Variants in TASP1 observed in about 807,000 individuals in gnomAD.
The protein encoded by TASP1 is threonine aspartase 1.
A neutral mutation model predicts 56.6 loss-of-function variants in TASP1; 16 were observed. The ratio of observed to expected loss-of-function variants is 0.28; its 90% CI spans 0.19 to 0.43. The LOEUF is 0.43. Among genes scored for constraint, TASP1 ranks in the 20% least tolerant of loss-of-function variants. The probability of loss-of-function intolerance (pLI) is 1.00; values close to 1 mark genes in which losing one functional copy is unlikely to be tolerated. For missense variants in TASP1, 393 were observed against 511.6 expected, an observed-to-expected ratio of 0.77 and a Z score of 2.24; for synonymous variants, 179 against 184.2, an observed-to-expected ratio of 0.97 and a Z score of 0.23.
At chr20:13,399,418 A>T (rs116338040) in intron 13 of TASP1, among the ~76,000 whole-genome samples, 3 of 152,336 alleles carry the variant, frequency 2.0e-5, no homozygotes, top group African/African-American at 7.2e-5. Context: ...TAACATGTCC[A>T]GAACTGAGTT....
chr20:13,555,699 T>C (rs761748322), intron 8 of TASP1, among the ~76,000 whole-genome samples: 6 of 152,190 alleles, frequency 3.9e-5, no homozygotes, highest in Non-Finnish European at 7.3e-5. Flanking sequence ...TGTTGATATT[T>C]TGACTTTCTC....
chr20:13,522,829 G>A (rs191409439), intron 10 of TASP1, among the ~76,000 whole-genome samples: 11 of 152,148 alleles, frequency 7.2e-5, no homozygotes, highest in African/African-American at 2.2e-4. Context: ...ACACTGAGAC[G>A]TCAAAGAGAT....
At chr20:13,299,251 G>A in the TASP1 span, 5 of 1,605,180 alleles carry the variant, frequency 3.1e-6, no homozygotes, top group South Asian at 1.1e-5. The surrounding 1 kb of genome is among the most constrained non-coding windows in gnomAD (Gnocchi z 5.8). Flanking sequence ...CTCATCACCA[G>A]GGGCAAGGGG....
At chr20:13,414,154 CA>C (rs1280279691) in intron 13 of TASP1, among the ~76,000 whole-genome samples, 3 of 152,210 alleles carry the variant, frequency 2.0e-5, no homozygotes, top group African/African-American at 7.2e-5. Flanking sequence ...AACATTTCTG[CA>C]GCCTGTCTTT....
chr20:13,518,990 C>A (rs556238195), intron 10 of TASP1, among the ~76,000 whole-genome samples: 1 of 152,218 alleles, frequency 6.6e-6, no homozygotes, highest in East Asian at 1.9e-4. Flanking sequence ...GAACACTACA[C>A]AGCCACAGAA....
the TASP1 span, chr20:13,160,179 TTCAAAGCAAG>T: frequency 9.6e-6 from 15 of 1,560,716 alleles, no homozygotes; most frequent in Non-Finnish European, 1.3e-5. Context: ...GTACCTTGGA[TTCAAAGCAAG>T]TCCTTTTGTT....
chr20:13,299,616 C>T, the TASP1 span: 3 of 739,534 alleles, frequency 4.1e-6, no homozygotes, highest in East Asian at 5.4e-5. This position sits in a 1 kb window ranked among gnomAD's most constrained non-coding sequence, Gnocchi z 5.8. Flanking sequence ...GGGGCGTGTG[C>T]CACGCCCAGG....
chr20:13,112,420 C>G, the TASP1 span, among the ~76,000 whole-genome samples: 1 of 152,194 alleles, frequency 6.6e-6, no homozygotes, highest in Non-Finnish European at 1.5e-5. Context: ...AGGCTGCCGG[C>G]ACTGAGACAT....
the TASP1 span, chr20:13,298,861 C>CT: frequency 1.4e-6 from 2 of 1,435,636 alleles, no homozygotes; most frequent in East Asian, 4.7e-5. Context: ...CAGGAGCAGC[C>CT]TGGTGTCACA....
the TASP1 span, among the ~76,000 whole-genome samples, chr20:13,120,763 G>A: frequency 2.6e-5 from 4 of 152,192 alleles, no homozygotes; most frequent in African/African-American, 7.2e-5. Context: ...CTCACAAAGT[G>A]TCCTACAAAT....
chr20:13,117,734 G>C, the TASP1 span: 1 of 1,601,386 alleles, frequency 6.2e-7, no homozygotes, highest in Non-Finnish European at 8.5e-7. Flanking sequence ...AGGTAAGAGA[G>C]GGCCTGCTTG....
At chr20:13,298,362 C>T in the TASP1 span, among the ~76,000 whole-genome samples, 22,034 of 152,072 alleles carry the variant, frequency 0.14, 2,023 homozygotes, top group East Asian at 0.35. Context: ...ATGATCCGCC[C>T]GCCTCAGCCT....
At chr20:13,460,772 C>G (rs2044024675) in intron 11 of TASP1, among the ~76,000 whole-genome samples, 2 of 152,086 alleles carry the variant, frequency 1.3e-5, no homozygotes, top group African/African-American at 4.8e-5. Flanking sequence ...GGAATCCAAT[C>G]ACTTTCCCAT....
the TASP1 span, among the ~76,000 whole-genome samples, chr20:13,296,975 G>A: frequency 1.3e-5 from 2 of 151,564 alleles, no homozygotes; most frequent in Middle Eastern, 3.4e-3. Flanking sequence ...CTGAGATCAT[G>A]CCACTGCATT....
At chr20:13,452,860 T>C (rs1333058185) in intron 11 of TASP1, among the ~76,000 whole-genome samples, 1 of 151,988 alleles carries the variant, frequency 6.6e-6, no homozygotes, top group Non-Finnish European at 1.5e-5. Flanking sequence ...AATGTGAACA[T>C]TGATAAAGGT....
At chr20:13,348,624 G>C in the TASP1 span, among the ~76,000 whole-genome samples, 5 of 152,178 alleles carry the variant, frequency 3.3e-5, no homozygotes. Context: ...ACCACTGTAT[G>C]GGTGGTGTGG....
At chr20:13,615,155 A>G (rs968710127) in intron 4 of TASP1, among the ~76,000 whole-genome samples, 1 of 152,186 alleles carries the variant, frequency 6.6e-6, no homozygotes, top group Non-Finnish European at 1.5e-5. Context: ...AACCCACTAG[A>G]AAACGTTGCT....
intron 10 of TASP1, among the ~76,000 whole-genome samples, chr20:13,508,589 A>G (rs1055218768): frequency 6.6e-6 from 1 of 152,212 alleles, no homozygotes; most frequent in Non-Finnish European, 1.5e-5. Flanking sequence ...ATCTGTAGCC[A>G]ATAAGGGATT....
At chr20:13,173,066 T>TCC in the TASP1 span, among the ~76,000 whole-genome samples, 8 of 152,242 alleles carry the variant, frequency 5.3e-5, no homozygotes, top group African/African-American at 1.9e-4. Flanking sequence ...GCTCCAGGTT[T>TCC]CAGCCTGGGG....
Sources: gnomAD v4.1 joint callset for allele counts (sites outside exome capture counted in the v4.1 genomes callset) on GRCh38, gnomAD v4.1.1 for gene constraint, Gnocchi (gnomAD v3.1) non-coding constraint, MANE v1.5 for transcripts, NCBI Gene and HGNC (gene_info 2026-07-23, HGNC 2026-07-21) for gene names.